SV2C: variants seen among roughly 807,000 people sequenced by gnomAD.
SV2C encodes the protein synaptic vesicle glycoprotein 2C, also known as solute carrier family 22 member B3.
SV2C carries 49 observed loss-of-function variants against 79.7 expected under a neutral mutation model. The observed-to-expected ratio is 0.61, with a 90% CI of 0.49 to 0.78. The LOEUF is 0.78. Among genes scored for constraint, SV2C ranks in the 30% least tolerant of loss-of-function variants. The pLI, the probability that SV2C is intolerant of heterozygous loss-of-function variation, is 0.00. For missense variants in SV2C, 833 were observed against 912.9 expected (o/e 0.91, Z 1.13); for synonymous variants, 334 against 333.2 (o/e 1.00, Z -0.03).
the SV2C span, among the ~76,000 whole-genome samples, chr5:75,960,159 CAG>C: frequency 6.6e-6 from 1 of 151,980 alleles, no homozygotes; most frequent in African/African-American, 2.4e-5. Context: ...CCTAGAAACT[CAG>C]AGTATTTTCT....
the SV2C span, among the ~76,000 whole-genome samples, chr5:75,870,946 C>T: frequency 6.6e-6 from 1 of 152,110 alleles, no homozygotes; most frequent in African/African-American, 2.4e-5. Flanking sequence ...ATGGAAGCAA[C>T]AAAAGAAATG....
chr5:76,164,660 TA>T (rs1179674380), intron 2 of SV2C, among the ~76,000 whole-genome samples: 1 of 152,078 alleles, frequency 6.6e-6, no homozygotes, highest in African/African-American at 2.4e-5. Flanking sequence ...TGCCATGCAT[TA>T]GACTCTGCTT....
intron 2 of SV2C, among the ~76,000 whole-genome samples, chr5:76,187,139 A>G (rs1490186353): frequency 6.6e-6 from 1 of 152,216 alleles, no homozygotes; most frequent in Non-Finnish European, 1.5e-5. Context: ...GACTTTTAAA[A>G]AATTGCTTCA....
chr5:76,221,760 G>C (rs1166368892), intron 4 of SV2C, among the ~76,000 whole-genome samples: 1 of 151,974 alleles, frequency 6.6e-6, no homozygotes, highest in Non-Finnish European at 1.5e-5. Context: ...CTAGATCCTG[G>C]GTCTTCCCCA....
the SV2C span, among the ~76,000 whole-genome samples, chr5:75,913,081 C>A: frequency 6.6e-6 from 1 of 152,192 alleles, no homozygotes; most frequent in African/African-American, 2.4e-5. Context: ...AACCATGCCA[C>A]AGGAATAGGC....
At chr5:75,864,165 C>G in the SV2C span, among the ~76,000 whole-genome samples, 7 of 151,930 alleles carry the variant, frequency 4.6e-5, no homozygotes, top group Non-Finnish European at 7.4e-5. Context: ...CAGTAAAGGG[C>G]AAAAAGTTCT....
intron 2 of SV2C, chr5:76,173,495 C>T (rs370951108): frequency 3.6e-5 from 32 of 882,520 alleles, no homozygotes; most frequent in African/African-American, 4.9e-5. Flanking sequence ...AGCTTTCATC[C>T]GCCTCTTAAA....
chr5:76,230,615 A>ACC (rs113004676), intron 4 of SV2C, among the ~76,000 whole-genome samples: 17,782 of 151,876 alleles, frequency 0.12, 3,020 homozygotes, highest in African/African-American at 0.38. Context: ...ACATGGTGAA[A>ACC]CCATCTCTAC....
intron 4 of SV2C, among the ~76,000 whole-genome samples, chr5:76,227,810 T>C (rs369239509): frequency 1.3e-5 from 2 of 152,318 alleles, no homozygotes; most frequent in Non-Finnish European, 1.5e-5. Flanking sequence ...TTTTCCTTTG[T>C]GAACTGCCAT....
At chr5:76,083,736 A>C (rs1338610527) in intron 1 of SV2C, among the ~76,000 whole-genome samples, 1 of 152,162 alleles carries the variant, frequency 6.6e-6, no homozygotes, top group East Asian at 1.9e-4. Context: ...AAATAGATGC[A>C]GTGACCCCAG....
chr5:76,159,589 A>G (rs905392553), intron 2 of SV2C, among the ~76,000 whole-genome samples: 2 of 152,008 alleles, frequency 1.3e-5, no homozygotes, highest in Non-Finnish European at 2.9e-5. Context: ...TTCCTTTTCT[A>G]GTGTCTGGTA....
At chr5:76,025,884 A>G in the SV2C span, among the ~76,000 whole-genome samples, 1 of 152,204 alleles carries the variant, frequency 6.6e-6, no homozygotes, top group East Asian at 1.9e-4. Flanking sequence ...AACAACAAAC[A>G]CTGGGAAATT....
downstream of SV2C, among the ~76,000 whole-genome samples, chr5:76,338,904 G>A (rs190335819): frequency 1.4e-4 from 21 of 152,036 alleles, no homozygotes; most frequent in East Asian, 7.8e-4. Context: ...TGATCCAACC[G>A]CCTCGGCCTC....
At chr5:76,160,128 T>C (rs35360443) in intron 2 of SV2C, among the ~76,000 whole-genome samples, 53,858 of 152,014 alleles carry the variant, frequency 0.35, 9,730 homozygotes, top group South Asian at 0.45. Flanking sequence ...GGAAATCCTT[T>C]GCAAATGAAT....
At chr5:76,242,026 A>T in intron 4 of SV2C, 1 of 1,400,918 alleles carries the variant, frequency 7.1e-7, no homozygotes, top group South Asian at 1.2e-5. Flanking sequence ...CACACACTTC[A>T]CTTGGCATCT....
intron 6 of SV2C, among the ~76,000 whole-genome samples, chr5:76,289,469 C>T (rs1747474115): frequency 6.6e-6 from 1 of 152,122 alleles, no homozygotes; most frequent in Non-Finnish European, 1.5e-5. Context: ...GAATTTATCA[C>T]CTAAGCAGTC....
At chr5:76,032,082 T>A in the SV2C span, among the ~76,000 whole-genome samples, 19 of 152,320 alleles carry the variant, frequency 1.2e-4, no homozygotes, top group East Asian at 3.7e-3. Context: ...AATCTTTCCT[T>A]TTGAATGAGA....
chr5:76,095,239 C>G (rs1200845914), intron 1 of SV2C, among the ~76,000 whole-genome samples: 1 of 152,016 alleles, frequency 6.6e-6, no homozygotes, highest in African/African-American at 2.4e-5. Flanking sequence ...CTCATGAGGT[C>G]CCAGTTCTTG....
intron 4 of SV2C, among the ~76,000 whole-genome samples, chr5:76,261,044 T>A (rs559071864): frequency 6.6e-6 from 1 of 152,354 alleles, no homozygotes; most frequent in African/African-American, 2.4e-5. Context: ...AGTATAGCTA[T>A]TTCCACGATA....
Sources: gnomAD v4.1 joint callset for allele counts (sites outside exome capture counted in the v4.1 genomes callset) on GRCh38, gnomAD v4.1.1 for gene constraint, MANE v1.5 for transcripts, NCBI Gene and HGNC (gene_info 2026-07-23, HGNC 2026-07-21) for gene names.